The following ITGA9 variants were observed in gnomAD, a reference collection of about 807,000 sequenced individuals.
ITGA9 encodes the protein integrin subunit alpha 9.
ITGA9 carries 56 observed loss-of-function variants against 127.8 expected under a neutral mutation model. That is an observed-to-expected ratio of 0.44 (90% CI 0.35 to 0.55). ITGA9 has a LOEUF of 0.55. Among genes scored for constraint, ITGA9 ranks in the 20% least tolerant of loss-of-function variants. ITGA9 has a pLI of 0.00. For missense variants in ITGA9, 1,196 were observed against 1,347.1 expected (o/e 0.89, Z 1.76); for synonymous variants, 508 against 514.5 (o/e 0.99, Z 0.17).
At chr3:37,557,707 A>G (rs1699444677) in intron 15 of ITGA9, among the ~76,000 whole-genome samples, 1 of 152,242 alleles carries the variant, frequency 6.6e-6, no homozygotes, top group Admixed American at 6.5e-5. Flanking sequence ...ACTATATGCT[A>G]CATGTTTTAC....
intron 4 of ITGA9, among the ~76,000 whole-genome samples, chr3:37,484,975 G>GCC (rs1264034126): frequency 2.0e-5 from 3 of 152,176 alleles, no homozygotes; most frequent in African/African-American, 4.8e-5. Context: ...ACTGACTTGT[G>GCC]TACCGGGAAT....
At chr3:37,642,779 G>C (rs1047640558) in intron 16 of ITGA9, among the ~76,000 whole-genome samples, 2 of 152,230 alleles carry the variant, frequency 1.3e-5, no homozygotes, top group African/African-American at 4.8e-5. Flanking sequence ...CTATGTTGAA[G>C]CCATACACTT....
At chr3:37,522,489 G>A (rs760682354) in intron 11 of ITGA9, among the ~76,000 whole-genome samples, 2 of 152,132 alleles carry the variant, frequency 1.3e-5, no homozygotes, top group Non-Finnish European at 2.9e-5. Context: ...TCCTTGGGAG[G>A]CTGAGGCAGG....
intron 17 of ITGA9, among the ~76,000 whole-genome samples, chr3:37,662,697 CA>C (rs1700549873): frequency 6.6e-6 from 1 of 152,184 alleles, no homozygotes; most frequent in African/African-American, 2.4e-5. Flanking sequence ...TTCACAAGGG[CA>C]ACTTGGACAC....
intron 17 of ITGA9, among the ~76,000 whole-genome samples, chr3:37,679,191 A>C (rs182881790): frequency 6.6e-6 from 1 of 152,052 alleles, no homozygotes; most frequent in Admixed American, 6.6e-5. Flanking sequence ...TAACCCACTT[A>C]AAAGACTGCA....
intron 17 of ITGA9, among the ~76,000 whole-genome samples, chr3:37,669,234 A>G (rs1700614210): frequency 6.6e-6 from 1 of 152,214 alleles, no homozygotes; most frequent in Non-Finnish European, 1.5e-5. Flanking sequence ...AGCTGCTCAC[A>G]GTGGCCCGTC....
chr3:37,818,790 T>C, intron 27 of ITGA9, 101 bp from the exon 28 acceptor site: 1 of 832,376 alleles, frequency 1.2e-6, no homozygotes, highest in Non-Finnish European at 2.1e-6. Context: ...CCCAGCCCTG[T>C]GAGTGCAGGT....
chr3:37,754,859 A>G (rs1056724769), intron 23 of ITGA9, among the ~76,000 whole-genome samples: 4 of 152,172 alleles, frequency 2.6e-5, no homozygotes, highest in Non-Finnish European at 5.9e-5. Context: ...CAATTAATTT[A>G]TAGTGGGACT....
chr3:37,628,058 C>T (rs1345031765), intron 15 of ITGA9, among the ~76,000 whole-genome samples: 1 of 152,156 alleles, frequency 6.6e-6, no homozygotes, highest in African/African-American at 2.4e-5. Flanking sequence ...CAAACGCCCC[C>T]AAACTTCACA....
chr3:37,675,874 G>A (rs1209956853), intron 17 of ITGA9, among the ~76,000 whole-genome samples: 2 of 150,214 alleles, frequency 1.3e-5, no homozygotes, highest in Admixed American at 6.7e-5. Context: ...CTCCTAAGTA[G>A]CTGGGACTAC....
chr3:37,559,631 C>G (rs1378422237), intron 15 of ITGA9, among the ~76,000 whole-genome samples: 1 of 152,190 alleles, frequency 6.6e-6, no homozygotes, highest in East Asian at 1.9e-4. Flanking sequence ...CACTCTGTTG[C>G]ACGTGCCTGT....
chr3:37,635,270 T>C (rs1368310656), intron 16 of ITGA9, among the ~76,000 whole-genome samples: 3 of 152,206 alleles, frequency 2.0e-5, no homozygotes, highest in African/African-American at 4.8e-5. Context: ...ATTAGCACTA[T>C]TTATTGGTTT....
At position 37,697,496 on chromosome 3, in the gene ITGA9, C is replaced by G. The variant is rs576303151; in HGVS notation, c.2067+13481C>G. Among the ~76,000 whole-genome samples, 16 of 152,124 alleles carry G rather than the reference C, an allele frequency of 1.1e-4. No individual in the cohort carries two copies. In the South Asian group the frequency reaches 3.1e-3, roughly 30 times the overall value. On this transcript the variant is annotated intron_variant, in intron 18 of 27. Transcript: ENST00000264741. ...GCTGTCCCTCCCCTTGCCCCCAACC[C>G]CACGACAGGCCCCCATGTGTGATGT...
Position 37,819,102 on chromosome 3 carries a change from C to A in ITGA9, c.*113C>A. On this transcript the variant is annotated 3_prime_UTR_variant, in exon 28 of 28. Transcript: ENST00000264741. The stretch of plus-strand genomic sequence containing the variant: ...AGATTTTTCGGAGGCCCCACTGATG[C>A]TGTTCTCTTCTTCATTCTATCAAGC... 1 of 811,072 alleles carries A rather than the reference C, an allele frequency of 1.2e-6. No homozygotes were observed. The highest frequency in any genetic ancestry group is 2.1e-6 in the Non-Finnish European group (1 of 473,380). 50.2% of individuals were successfully genotyped at this position (811,072 alleles called of 1,614,324 possible).
At chr3:37,752,949 TC>T (rs1208123196) in intron 23 of ITGA9, among the ~76,000 whole-genome samples, 1 of 152,206 alleles carries the variant, frequency 6.6e-6, no homozygotes, top group Non-Finnish European at 1.5e-5. Flanking sequence ...TCTGAGCCCC[TC>T]TGCTGTGCTT....
At chr3:37,533,539 T>C (rs1001184712) in intron 14 of ITGA9, 71 bp downstream of exon 14, 26 of 1,514,002 alleles carry the variant, frequency 1.7e-5, no homozygotes, top group Non-Finnish European at 2.1e-5. Context: ...ATTTCCGATG[T>C]TCCCTGTCGC....
chr3:37,494,604 G>A, intron 5 of ITGA9, 36 bp downstream of exon 5: 1 of 1,559,940 alleles, frequency 6.4e-7, no homozygotes, highest in Admixed American at 1.7e-5. Context: ...CTGTTCTCTT[G>A]TGGGTGTTCA....
chr3:37,748,025 T>A (rs575336254), intron 22 of ITGA9: 9 of 338,514 alleles, frequency 2.7e-5, no homozygotes, highest in South Asian at 2.3e-4. Context: ...GTCCTTGTTG[T>A]TGCAAAATTT....
At chr3:37,759,075 A>ACC (rs778223110) in intron 23 of ITGA9, among the ~76,000 whole-genome samples, 28 of 129,806 alleles carry the variant, frequency 2.2e-4, no homozygotes, top group Non-Finnish European at 3.2e-4. Context: ...ATATATATAT[A>ACC]CCCACACACA....
Sources: gnomAD v4.1 joint callset for allele counts (sites outside exome capture counted in the v4.1 genomes callset) on GRCh38, gnomAD v4.1.1 for gene constraint, MANE v1.5 for transcripts, NCBI Gene and HGNC (gene_info 2026-07-23, HGNC 2026-07-21) for gene names.